The following AMER1 variants were observed in gnomAD, a reference collection of about 807,000 sequenced individuals.
AMER1 encodes the protein APC membrane recruitment protein 1.
In AMER1, 16 loss-of-function variants were observed where a neutral mutation model predicts 53.0. The observed-to-expected ratio is 0.30, with a 90% CI of 0.20 to 0.46. AMER1 has a LOEUF of 0.46. AMER1 is among the 20% of genes least tolerant of loss of function. The probability of loss-of-function intolerance (pLI) is 1.00; values close to 1 mark genes in which losing one functional copy is unlikely to be tolerated. For synonymous variants in AMER1, 354 were observed against 331.9 expected, an observed-to-expected ratio of 1.07 and a Z score of -0.73; for missense variants, 947 against 884.9, an observed-to-expected ratio of 1.07 and a Z score of -0.89.
At position 64,189,747 on chromosome X, in the gene AMER1, T is replaced by A; in HGVS notation, c.*132A>T. ...CAAGTGGGAAAACCAAGGTGAAAAC[T>A]CACAGGAGTTTTCCTTGGCCCAAAG... On this transcript the variant is annotated 3_prime_UTR_variant, in exon 2 of 2. Transcript: ENST00000374869. 1 of 1,120,199 alleles carries A rather than the reference T, an allele frequency of 8.9e-7. No individual in the cohort carries two copies. The highest frequency in any genetic ancestry group is 1.2e-6 in the Non-Finnish European group (1 of 850,446). The allele number at this position is 1,120,199 out of a possible 1,213,427, so 92.3% of individuals were successfully genotyped here.
Position 64,192,195 on chromosome X carries a change from G to A in AMER1, c.1092C>T (p.Thr364=), listed in dbSNP as rs147491414. 1.1e-4 allele frequency: 134 copies of A among 1,210,152 alleles called. No individual in the cohort carries two copies. The African/African-American group carries it at 2.3e-3, about 20-fold the overall frequency. ...CCATCTCCTCCCCACCTCCTTGGTA[G>A]GTCACCAGGCAGGAACTTCGCTTGG... ...DGTKRSSCLV[T]YQGGGEEMAL... is the part of the protein sequence containing the mutation. Residue 364 remains threonine (T), a synonymous_variant, in exon 2 of 2, where the codon ACC becomes ACT. Transcript: ENST00000374869.
In AMER1 at chrX:64,189,239, T is replaced by A. The variant is rs1930172621; in HGVS notation, c.*640A>T. The A allele has an allele frequency of 1.3e-6, 1 of 797,173 alleles. No homozygotes were observed. Among genetic ancestry groups the A allele is most frequent in the Non-Finnish European group, 1.5e-6 (1 of 665,718 alleles). The allele number at this position is 797,173 out of a possible 1,213,427, so 65.7% of individuals were successfully genotyped here. On this transcript the variant is annotated 3_prime_UTR_variant, in exon 2 of 2. Transcript: ENST00000374869. ...GGATGAATAGCTTATAGTCATCTGA[T>A]ATAATGATGGCAGCTATGCCAGGCC...
At chrX:64,195,460 T>C (rs1254600845) in intron 1 of AMER1, among the ~76,000 whole-genome samples, 1 of 110,481 alleles carries the variant, frequency 9.1e-6, no homozygotes, top group Admixed American at 9.6e-5. Context: ...ACAGGGAGAG[T>C]CCTATATGTA....
intron 1 of AMER1, among the ~76,000 whole-genome samples, chrX:64,202,720 C>T (rs140424490): frequency 0.02 from 2,213 of 111,912 alleles, 32 homozygotes; most frequent in Admixed American, 0.047. Flanking sequence ...CAAAGGTGAC[C>T]TCTTAACTGG....
Position 64,191,655 on chromosome X carries a change from G to A in AMER1, c.1632C>T (p.Pro544=), listed in dbSNP as rs1326992551. ...EMFDPFLNFE[P]FLSSRPPGAM... is the part of the protein sequence containing the mutation. Reference sequence around the variant, plus strand: ...CCCCAGGTGGCCGGGAGGACAAAAAGGGCTCAAAGTTTAAGAAGGGGTCAA... The same window carrying A: ...CCCCAGGTGGCCGGGAGGACAAAAAAGGCTCAAAGTTTAAGAAGGGGTCAA... Residue 544 remains proline, a synonymous_variant, in exon 2 of 2, where the codon CCC becomes CCT. Coordinates refer to ENST00000374869, the MANE Select transcript of AMER1 (RefSeq NM_152424.4). 8.2e-7 allele frequency: 1 copy of A among 1,212,260 alleles called. No homozygotes were observed. Among genetic ancestry groups the A allele is most frequent in the East Asian group, 3.0e-5 (1 of 33,828 alleles).
In AMER1 at chrX:64,189,687, C is replaced by T. The variant is rs1602066109; in HGVS notation, c.*192G>A. The T allele has an allele frequency of 8.3e-6, 9 of 1,086,762 alleles. No individual in the cohort carries two copies. The African/African-American group carries it at 1.3e-4, about 16-fold the overall frequency. 89.6% of individuals were successfully genotyped at this position (1,086,762 alleles called of 1,213,427 possible). A position where few individuals can be genotyped will look rare whatever the true frequency, so the allele number is the denominator to read the frequency against. On this transcript the variant is annotated 3_prime_UTR_variant, in exon 2 of 2. Transcript: ENST00000374869. ...GCAGCAGCCTCCCTGGGCAGATGCA[C>T]TTGAGTTGAACGTGGCCATAGATGG...
At position 64,191,703 on chromosome X, in the gene AMER1, G is replaced by T. The variant is rs1930248424; in HGVS notation, c.1584C>A (p.Leu528=). Residue 528 remains leucine (L), a synonymous_variant, in exon 2 of 2, where the codon CTC becomes CTA. Coordinates refer to ENST00000374869, the MANE Select transcript of AMER1 (RefSeq NM_152424.4). ...SPPGDDCLYD[L]HGRSSEMFDP... is the part of the protein sequence containing the mutation. ...CAAACATCTCAGAGCTTCGACCATG[G>T]AGGTCATAAAGGCAGTCATCTCCAG... The T allele has an allele frequency of 3.3e-6, 4 of 1,211,972 alleles. No homozygotes were observed. The South Asian group carries it at 7.0e-5, about 21-fold the overall frequency.
At position 64,196,918 on chromosome X, in the gene AMER1, C is replaced by T. The variant is rs752871219; in HGVS notation, c.-98-3534G>A. On this transcript the variant is annotated intron_variant, in intron 1 of 1. Coordinates refer to ENST00000374869, the MANE Select transcript of AMER1 (RefSeq NM_152424.4). The stretch of plus-strand genomic sequence containing the variant: ...CATAGCTGGTAGCTCCCTAGCGTAG[C>T]CCCACCTAGCTACCTCTGCCTTAGG... Among the ~76,000 whole-genome samples, 29 of 112,332 alleles carry T rather than the reference C, an allele frequency of 2.6e-4. No homozygotes were observed. In the South Asian group the frequency reaches 4.8e-3, roughly 19 times the overall value.
chrX:64,195,532 A>G (rs769617275), intron 1 of AMER1, among the ~76,000 whole-genome samples: 65 of 112,246 alleles, frequency 5.8e-4, no homozygotes, highest in African/African-American at 2.0e-3. Context: ...GGGCAAGGTG[A>G]ACATTACCTG....
In AMER1 at chrX:64,186,440, T is replaced by C; in HGVS notation, c.*3439A>G. Reference sequence around the variant, plus strand: ...ATAATTGACTTTTGATATATATATATATATATATTAAAAACAACTTGAATG... The same window carrying C: ...ATAATTGACTTTTGATATATATATACATATATATTAAAAACAACTTGAATG... On this transcript the variant is annotated 3_prime_UTR_variant, in exon 2 of 2. Coordinates refer to ENST00000374869, the MANE Select transcript of AMER1 (RefSeq NM_152424.4). 1.4e-6 allele frequency: 1 copy of C among 710,621 alleles called. No individual in the cohort carries two copies. Among genetic ancestry groups the C allele is most frequent in the Non-Finnish European group, 1.7e-6 (1 of 585,712 alleles). The allele number at this position is 710,621 out of a possible 1,213,427, so 58.6% of individuals were successfully genotyped here.
At chrX:64,202,364 A>T (rs1301646172) in intron 1 of AMER1, among the ~76,000 whole-genome samples, 3 of 111,508 alleles carry the variant, frequency 2.7e-5, no homozygotes, top group Non-Finnish European at 5.7e-5. Flanking sequence ...GATGAGGGGG[A>T]TGGTTAATGA....
chrX:64,189,795 C>CCG lies in AMER1; in HGVS notation c.*83_*84insCG. 1 of 154,267 alleles carries CCG rather than the reference C, an allele frequency of 6.5e-6. No individual in the cohort carries two copies. Among genetic ancestry groups the CCG allele is most frequent in the Non-Finnish European group, 1.0e-5 (1 of 97,591 alleles). The allele number at this position is 154,267 out of a possible 1,213,427, so 12.7% of individuals were successfully genotyped here. A position where few individuals can be genotyped will look rare whatever the true frequency, so the allele number is the denominator to read the frequency against. ...AAGGGTTTTCAAGTTAAACAACAACCCCCACCCCCCCACCCTTCTGCCCAA... is the reference window on the plus strand; with the variant it reads ...AAGGGTTTTCAAGTTAAACAACAACCCGCCCACCCCCCCACCCTTCTGCCCAA... On this transcript the variant is annotated 3_prime_UTR_variant, in exon 2 of 2. Coordinates refer to ENST00000374869, the MANE Select transcript of AMER1 (RefSeq NM_152424.4).
Position 64,189,793 on chromosome X carries a change from A to AGGG in AMER1, c.*85_*86insCCC. 6.8e-6 allele frequency: 2 copies of AGGG among 292,061 alleles called. No individual in the cohort carries two copies. Among genetic ancestry groups the AGGG allele is most frequent in the Non-Finnish European group, 9.8e-6 (2 of 204,820 alleles). 24.1% of individuals were successfully genotyped at this position (292,061 alleles called of 1,213,427 possible). A position where few individuals can be genotyped will look rare whatever the true frequency, so the allele number is the denominator to read the frequency against. ...CAAAGGGTTTTCAAGTTAAACAACA[A>AGGG]CCCCCACCCCCCCACCCTTCTGCCC... On this transcript the variant is annotated 3_prime_UTR_variant, in exon 2 of 2. Transcript: ENST00000374869.
At position 64,185,974 on chromosome X, in the gene AMER1, G is replaced by A. The variant is rs1031177720; in HGVS notation, c.*3905C>T. Reference sequence around the variant, plus strand: ...CAACAAGACAAATAGCACAACATGGGCACTCTGATTTCAAAACTAAAGCAC... The same window carrying A: ...CAACAAGACAAATAGCACAACATGGACACTCTGATTTCAAAACTAAAGCAC... On this transcript the variant is annotated 3_prime_UTR_variant, in exon 2 of 2. Coordinates refer to ENST00000374869, the MANE Select transcript of AMER1 (RefSeq NM_152424.4). 41 of 496,816 alleles carry A rather than the reference G, an allele frequency of 8.3e-5. No homozygotes were observed. The highest frequency in any genetic ancestry group is 1.2e-4 in the Non-Finnish European group (37 of 314,068). The allele number at this position is 496,816 out of a possible 1,213,427, so 40.9% of individuals were successfully genotyped here. A position where few individuals can be genotyped will look rare whatever the true frequency, so the allele number is the denominator to read the frequency against.
At chrX:64,199,937 C>T (rs1300538953) in intron 1 of AMER1, among the ~76,000 whole-genome samples, 4 of 112,675 alleles carry the variant, frequency 3.6e-5, no homozygotes, top group Non-Finnish European at 7.5e-5. Flanking sequence ...CCCAAATACA[C>T]AGGGGTTTGC....
chrX:64,189,675 T>C lies in AMER1; in HGVS notation c.*204A>G. 1 of 1,075,910 alleles carries C rather than the reference T, an allele frequency of 9.3e-7. No individual in the cohort carries two copies. The highest frequency in any genetic ancestry group is 1.2e-6 in the Non-Finnish European group (1 of 833,451). The allele number at this position is 1,075,910 out of a possible 1,213,427, so 88.7% of individuals were successfully genotyped here. A position where few individuals can be genotyped will look rare whatever the true frequency, so the allele number is the denominator to read the frequency against. ...AGTGCAGTAGCAGCAGCAGCCTCCCTGGGCAGATGCACTTGAGTTGAACGT... is the reference window on the plus strand; with the variant it reads ...AGTGCAGTAGCAGCAGCAGCCTCCCCGGGCAGATGCACTTGAGTTGAACGT... On this transcript the variant is annotated 3_prime_UTR_variant, in exon 2 of 2. Coordinates refer to ENST00000374869, the MANE Select transcript of AMER1 (RefSeq NM_152424.4).
chrX:64,202,256 C>T (rs1930502367), intron 1 of AMER1, among the ~76,000 whole-genome samples: 1 of 111,974 alleles, frequency 8.9e-6, no homozygotes, highest in African/African-American at 3.2e-5. Context: ...AGGCCAAGAC[C>T]AAGAGGCAAA....
chrX:64,189,159 C>T lies in AMER1; in HGVS notation c.*720G>A, dbSNP rs750956765. ...CATCTGGTCATGATGCCAAAGTCCACAGCGATAGGCTGTGAGACACACGCT... is the reference window on the plus strand; with the variant it reads ...CATCTGGTCATGATGCCAAAGTCCATAGCGATAGGCTGTGAGACACACGCT... On this transcript the variant is annotated 3_prime_UTR_variant, in exon 2 of 2. Coordinates refer to ENST00000374869, the MANE Select transcript of AMER1 (RefSeq NM_152424.4). 3,135 of 797,877 alleles carry T rather than the reference C, an allele frequency of 3.9e-3. 11 individuals are homozygous for T. Among genetic ancestry groups the T allele is most frequent in the Non-Finnish European group, 4.5e-3 (2,990 of 667,139 alleles). 65.8% of individuals were successfully genotyped at this position (797,877 alleles called of 1,213,427 possible).
chrX:64,189,092 T>C lies in AMER1; in HGVS notation c.*787A>G. The C allele has an allele frequency of 1.3e-6, 1 of 792,833 alleles. No individual in the cohort carries two copies. The highest frequency in any genetic ancestry group is 1.5e-6 in the Non-Finnish European group (1 of 667,982). The allele number at this position is 792,833 out of a possible 1,213,427, so 65.3% of individuals were successfully genotyped here. A position where few individuals can be genotyped will look rare whatever the true frequency, so the allele number is the denominator to read the frequency against. On this transcript the variant is annotated 3_prime_UTR_variant, in exon 2 of 2. Coordinates refer to ENST00000374869, the MANE Select transcript of AMER1 (RefSeq NM_152424.4). ...CACTCCATCAAGGGGATTAGCATTT[T>C]TGTCTTTAACCCAAGCTATGGCAGG...
Sources: allele counts gnomAD v4.1 joint callset (sites outside exome capture counted in the v4.1 genomes callset), GRCh38; gene constraint gnomAD v4.1.1; transcripts MANE v1.5; gene names NCBI Gene and HGNC (gene_info 2026-07-23, HGNC 2026-07-21).